C3orf20: variants seen among roughly 807,000 people sequenced by gnomAD.
C3orf20 encodes family with sequence similarity 149 member C.
In C3orf20, 76 loss-of-function variants were observed where a neutral mutation model predicts 88.3. The ratio of observed to expected loss-of-function variants is 0.86; its 90% CI spans 0.72 to 1.04. The LOEUF is 1.04. Ranked by LOEUF, C3orf20 falls within the 50% of genes least tolerant of loss-of-function variation. The pLI is 0.00. For missense variants in C3orf20, 1,056 were observed against 1,123.3 expected, an observed-to-expected ratio of 0.94 and a Z score of 0.86; for synonymous variants, 436 against 437.4, an observed-to-expected ratio of 1.00 and a Z score of 0.04.
intron 12 of C3orf20, among the ~76,000 whole-genome samples, chr3:14,745,390 A>C (rs1559436703): frequency 6.6e-6 from 1 of 152,256 alleles, no homozygotes; most frequent in Non-Finnish European, 1.5e-5. Context: ...AGCAAGTGCA[A>C]ATATGCCTTA....
intron 12 of C3orf20, among the ~76,000 whole-genome samples, chr3:14,749,205 AT>A (rs2035148818): frequency 1.3e-5 from 2 of 152,070 alleles, no homozygotes; most frequent in Admixed American, 6.5e-5. Context: ...TAATGTCCTC[AT>A]TTGTCTCCCA....
intron 3 of C3orf20, among the ~76,000 whole-genome samples, chr3:14,683,516 CCAG>C (rs561841446): frequency 5.7e-4 from 87 of 152,210 alleles, no homozygotes; most frequent in Admixed American, 2.3e-3. Flanking sequence ...AGTTTTCAAA[CCAG>C]CAGGGCTGAT....
chr3:14,743,554 C>T (rs1449113145), intron 12 of C3orf20, among the ~76,000 whole-genome samples: 1 of 151,996 alleles, frequency 6.6e-6, no homozygotes, highest in Non-Finnish European at 1.5e-5. Flanking sequence ...CTCCACTAGG[C>T]AGTGCCCCAG....
intron 5 of C3orf20, among the ~76,000 whole-genome samples, chr3:14,699,153 G>C (rs2033138736): frequency 6.6e-6 from 1 of 152,170 alleles, no homozygotes; most frequent in South Asian, 2.1e-4. Context: ...AGGGCAGTGG[G>C]CTCCCCTGTG....
At chr3:14,692,785 A>T (rs1000017181) in intron 5 of C3orf20, among the ~76,000 whole-genome samples, 1 of 152,074 alleles carries the variant, frequency 6.6e-6, no homozygotes, top group African/African-American at 2.4e-5. Flanking sequence ...CTTGTGGGGT[A>T]TTACTCAAGA....
intron 7 of C3orf20, among the ~76,000 whole-genome samples, chr3:14,713,066 G>T (rs1419119018): frequency 1.3e-5 from 2 of 151,610 alleles, no homozygotes; most frequent in Non-Finnish European, 2.9e-5. Flanking sequence ...CTTTTTTCTT[G>T]CTGCTTTCAA....
chr3:14,722,467 G>A (rs1269396400), intron 10 of C3orf20: 2 of 456,514 alleles, frequency 4.4e-6, no homozygotes, highest in Admixed American at 4.7e-5. Context: ...TTTCCCTAAA[G>A]GAAAATCAAG....
At chr3:14,762,566 C>A (rs2035592729) in intron 15 of C3orf20, among the ~76,000 whole-genome samples, 1 of 152,184 alleles carries the variant, frequency 6.6e-6, no homozygotes, top group Admixed American at 6.5e-5. Context: ...AATCAGTTTA[C>A]CTCCCTAATC....
intron 7 of C3orf20, among the ~76,000 whole-genome samples, chr3:14,706,414 C>T (rs2033505253): frequency 6.6e-6 from 1 of 151,874 alleles, no homozygotes. Flanking sequence ...GAAGCTGTGT[C>T]TATGAATTAG....
intron 15 of C3orf20, among the ~76,000 whole-genome samples, chr3:14,769,592 T>C (rs898414393): frequency 1.3e-5 from 2 of 152,122 alleles, no homozygotes; most frequent in African/African-American, 4.8e-5. Flanking sequence ...GTGAGGAGAC[T>C]GGGTCTCTAG....
At chr3:14,684,138 G>A (rs962738614) in intron 3 of C3orf20, 104 bp from the exon 4 acceptor site, 37 of 1,476,270 alleles carry the variant, frequency 2.5e-5, no homozygotes, top group Middle Eastern at 2.1e-4. Flanking sequence ...TAGGAATAGC[G>A]CTCTACTCTA....
intron 12 of C3orf20, among the ~76,000 whole-genome samples, chr3:14,736,606 A>C (rs2034719483): frequency 8.0e-6 from 1 of 125,760 alleles, no homozygotes; most frequent in Non-Finnish European, 1.6e-5. Context: ...TTTTTTTGTC[A>C]CTCAGGCTGG....
Position 14,759,941 on chromosome 3 carries a change from G to T in C3orf20, c.2295G>T (p.Leu765=). The change falls in exon 14 of 17, where the codon CTG becomes CTT. Residue 765 remains leucine (L), a synonymous_variant. Coordinates refer to ENST00000253697, the MANE Select transcript of C3orf20 (RefSeq NM_032137.5). ...RLLQYDLDSP[L]QEDPPLMVKK... is the part of the protein sequence containing the mutation. Reference sequence around the variant, plus strand: ...TGCAGTATGACCTGGACAGCCCCCTGCAGGAGGACCCTCCCCTGATGGTGA... The same window carrying T: ...TGCAGTATGACCTGGACAGCCCCCTTCAGGAGGACCCTCCCCTGATGGTGA... The T allele has an allele frequency of 1.2e-6, 2 of 1,614,160 alleles. No individual in the cohort carries two copies. The highest frequency in any genetic ancestry group is 1.7e-6 in the Non-Finnish European group (2 of 1,180,006).
chr3:14,747,272 TG>T (rs2035084108), intron 12 of C3orf20, among the ~76,000 whole-genome samples: 1 of 152,206 alleles, frequency 6.6e-6, no homozygotes, highest in African/African-American at 2.4e-5. Flanking sequence ...TATGAAATCT[TG>T]TTTGGCATCT....
intron 5 of C3orf20, among the ~76,000 whole-genome samples, chr3:14,698,565 G>C (rs1466546253): frequency 1.3e-5 from 2 of 152,200 alleles, no homozygotes; most frequent in Admixed American, 1.3e-4. Context: ...AGATCCAGGA[G>C]AACTCTCTAG....
intron 10 of C3orf20, 44 bp from the exon 11 acceptor site, chr3:14,726,857 T>C: frequency 6.2e-7 from 1 of 1,612,404 alleles, no homozygotes; most frequent in Non-Finnish European, 8.5e-7. Flanking sequence ...AGCTGGCTCT[T>C]TGAGGGGATG....
At chr3:14,758,177 C>T (rs1278608736) in intron 13 of C3orf20, among the ~76,000 whole-genome samples, 1 of 152,142 alleles carries the variant, frequency 6.6e-6, no homozygotes, top group African/African-American at 2.4e-5. Context: ...CCAGTGAGGC[C>T]GTGAGAGGAC....
chr3:14,676,769 C>T (rs1388730073), intron 1 of C3orf20, among the ~76,000 whole-genome samples: 2 of 152,160 alleles, frequency 1.3e-5, no homozygotes, highest in Non-Finnish European at 2.9e-5. Context: ...CAGTGAATCT[C>T]CTTGAGAATC....
intron 12 of C3orf20, among the ~76,000 whole-genome samples, chr3:14,730,087 T>C (rs915642512): frequency 1.3e-5 from 2 of 152,170 alleles, no homozygotes; most frequent in Non-Finnish European, 2.9e-5. Flanking sequence ...GGTGGAAGAT[T>C]GCTAACACCA....
Sources: allele counts gnomAD v4.1 joint callset (sites outside exome capture counted in the v4.1 genomes callset), GRCh38; gene constraint gnomAD v4.1.1; transcripts MANE v1.5; gene names NCBI Gene and HGNC (gene_info 2026-07-23, HGNC 2026-07-21).